The following PDZRN4 variants were observed in gnomAD, a reference collection of about 807,000 sequenced individuals.
PDZRN4 encodes PDZ domain containing ring finger 4.
In PDZRN4, 70 loss-of-function variants were observed where a neutral mutation model predicts 99.0. The observed-to-expected ratio is 0.71, with a 90% CI of 0.58 to 0.86. PDZRN4 has a LOEUF of 0.86. PDZRN4 is among the 40% of genes least tolerant of loss of function. The probability of loss-of-function intolerance (pLI) is 0.00; values close to 1 mark genes in which losing one functional copy is unlikely to be tolerated. For missense variants in PDZRN4, 1,474 were observed against 1,331.2 expected, an observed-to-expected ratio of 1.11 and a Z score of -1.67; for synonymous variants, 551 against 501.6, an observed-to-expected ratio of 1.10 and a Z score of -1.32.
At chr12:41,429,637 C>A (rs1461837054) in intron 3 of PDZRN4, among the ~76,000 whole-genome samples, 2 of 152,082 alleles carry the variant, frequency 1.3e-5, no homozygotes, top group Non-Finnish European at 2.9e-5. Flanking sequence ...TGAATCCTGG[C>A]TCCCTCATTT....
At position 41,322,257 on chromosome 12, in the gene PDZRN4, C is replaced by G. The variant is rs192632695; in HGVS notation, c.843+128069C>G. ...TGTTGGCTAGGCTGGTCTCAAACTCCTGACCTCAATCCGTCCACCTCGGCC... is the reference window on the plus strand; with the variant it reads ...TGTTGGCTAGGCTGGTCTCAAACTCGTGACCTCAATCCGTCCACCTCGGCC... On this transcript the variant is annotated intron_variant, in intron 3 of 9. Transcript: ENST00000402685. Among the ~76,000 whole-genome samples, 8 of 152,050 alleles carry G rather than the reference C, an allele frequency of 5.3e-5. No homozygotes were observed. In the East Asian group the frequency reaches 1.6e-3, roughly 30 times the overall value.
At chr12:41,191,725 A>G (rs1950736333) in intron 2 of PDZRN4, among the ~76,000 whole-genome samples, 181 bp downstream of exon 2, 1 of 152,110 alleles carries the variant, frequency 6.6e-6, no homozygotes, top group South Asian at 2.1e-4. Context: ...TAATGCAAAT[A>G]TTCCAGTACA....
intron 3 of PDZRN4, among the ~76,000 whole-genome samples, chr12:41,196,801 T>A (rs1950776551): frequency 6.6e-6 from 1 of 152,132 alleles, no homozygotes; most frequent in African/African-American, 2.4e-5. Context: ...GATGCATATT[T>A]TAAAACAGAT....
At chr12:41,406,135 C>A (rs1952347465) in intron 3 of PDZRN4, among the ~76,000 whole-genome samples, 1 of 151,524 alleles carries the variant, frequency 6.6e-6, no homozygotes, top group South Asian at 2.1e-4. Context: ...TAAATGTATC[C>A]AAAATTTAAC....
chr12:41,437,308 T>C (rs890636037), intron 3 of PDZRN4, among the ~76,000 whole-genome samples: 13 of 152,214 alleles, frequency 8.5e-5, no homozygotes, highest in Admixed American at 7.9e-4. Flanking sequence ...CCTACTCATT[T>C]TCCCCTAGGT....
intron 3 of PDZRN4, among the ~76,000 whole-genome samples, chr12:41,356,360 A>G (rs1951927115): frequency 6.6e-6 from 1 of 152,026 alleles, no homozygotes; most frequent in Admixed American, 6.6e-5. Flanking sequence ...TATGTTTTCT[A>G]TTCTTTAACA....
At chr12:41,294,621 T>G (rs79739014) in intron 3 of PDZRN4, among the ~76,000 whole-genome samples, 11,550 of 152,162 alleles carry the variant, frequency 0.076, 903 homozygotes, top group African/African-American at 0.2. Flanking sequence ...TAAAATAGAA[T>G]AGATTACAAC....
intron 3 of PDZRN4, among the ~76,000 whole-genome samples, chr12:41,405,465 G>T (rs2120360262): frequency 6.6e-6 from 1 of 152,268 alleles, no homozygotes; most frequent in Non-Finnish European, 1.5e-5. Context: ...TGGCAAGGCT[G>T]CAGAGAAAAC....
rs560478381 is a variant in PDZRN4 at position 41,553,570 on chromosome 12, G to A, written c.1302+816G>A. ...TTAGTCAGTCATGGTGGCATATGCC[G>A]GTAGTCCTAACTACTCAGGAGGCTT... On this transcript the variant is annotated intron_variant, in intron 6 of 9. Coordinates refer to ENST00000402685, the MANE Select transcript of PDZRN4 (RefSeq NM_001164595.2). Among the ~76,000 whole-genome samples the A allele has an allele frequency of 5.3e-5, 8 of 151,952 alleles. No homozygotes were observed. The East Asian group carries it at 1.4e-3, about 26-fold the overall frequency.
At chr12:41,487,015 G>T (rs995236508) in intron 3 of PDZRN4, among the ~76,000 whole-genome samples, 3 of 151,958 alleles carry the variant, frequency 2.0e-5, no homozygotes, top group Admixed American at 6.6e-5. Context: ...GACCACAAAA[G>T]AAATACTACA....
chr12:41,378,303 C>T (rs543204794), intron 3 of PDZRN4, among the ~76,000 whole-genome samples: 27 of 152,170 alleles, frequency 1.8e-4, no homozygotes, highest in Admixed American at 7.9e-4. Context: ...TATGCTGAAC[C>T]GTCCTTACAT....
intron 3 of PDZRN4, among the ~76,000 whole-genome samples, chr12:41,204,584 G>C (rs1016544507): frequency 1.3e-5 from 2 of 151,960 alleles, no homozygotes; most frequent in Admixed American, 1.3e-4. Flanking sequence ...TTCTTCACAA[G>C]GCAGCAGGAG....
intron 3 of PDZRN4, among the ~76,000 whole-genome samples, chr12:41,485,276 A>G (rs1212336691): frequency 6.6e-6 from 1 of 152,194 alleles, no homozygotes. Context: ...ATCCCTGGGC[A>G]GGCAAAATGC....
chr12:41,315,949 T>C (rs1329407100), intron 3 of PDZRN4, among the ~76,000 whole-genome samples: 3 of 152,084 alleles, frequency 2.0e-5, no homozygotes, highest in Non-Finnish European at 4.4e-5. Context: ...GTGAATGTAA[T>C]CTTTTTAGAG....
chr12:41,395,267 C>T (rs1194258227), intron 3 of PDZRN4, among the ~76,000 whole-genome samples: 5 of 152,082 alleles, frequency 3.3e-5, no homozygotes, highest in Non-Finnish European at 5.9e-5. Context: ...ATCTGCTCCC[C>T]ACACTCCCCA....
chr12:41,399,924 C>T (rs911297229), intron 3 of PDZRN4, among the ~76,000 whole-genome samples: 8 of 151,902 alleles, frequency 5.3e-5, no homozygotes, highest in African/African-American at 1.9e-4. Context: ...AGGCTCCACA[C>T]ATTCTGCAAA....
chr12:41,464,820 C>CTTTTTTTTT (rs5797739), intron 3 of PDZRN4, among the ~76,000 whole-genome samples: 3 of 104,814 alleles, frequency 2.9e-5, no homozygotes, highest in African/African-American at 7.4e-5. Flanking sequence ...GCCTGTTGTA[C>CTTTTTTTTT]TTTTTTTTTT....
rs774433364 is a variant in PDZRN4 at position 41,573,935 on chromosome 12, C to A, written c.*45C>A. 2.9e-5 allele frequency: 40 copies of A among 1,356,060 alleles called. No homozygotes were observed. The highest frequency in any genetic ancestry group is 3.8e-5 in the Non-Finnish European group (38 of 997,538). 84.0% of individuals were successfully genotyped at this position (1,356,060 alleles called of 1,614,324 possible). ...GCGACTGATTTTAGGAGGATGCTAC[C>A]AGTTTCGGTAGAGTATGATTGCCTC... On this transcript the variant is annotated 3_prime_UTR_variant, in exon 10 of 10. Transcript: ENST00000402685.
intron 3 of PDZRN4, among the ~76,000 whole-genome samples, chr12:41,252,024 G>A (rs1951174119): frequency 6.6e-6 from 1 of 152,128 alleles, no homozygotes; most frequent in African/African-American, 2.4e-5. Context: ...ATTGAGGTGG[G>A]AGGATTGATT....
Sources: allele counts gnomAD v4.1 joint callset (sites outside exome capture counted in the v4.1 genomes callset), GRCh38; gene constraint gnomAD v4.1.1; transcripts MANE v1.5; gene names NCBI Gene and HGNC (gene_info 2026-07-23, HGNC 2026-07-21).